Variants in SUPT3H observed in about 807,000 individuals in gnomAD.
SUPT3H encodes the protein transcription initiation protein SPT3 homolog.
In SUPT3H, 44 loss-of-function variants were observed where a neutral mutation model predicts 44.3. The ratio of observed to expected loss-of-function variants is 0.99; its 90% CI spans 0.78 to 1.28. The LOEUF (loss-of-function observed/expected upper bound fraction) is 1.28. Among genes scored for constraint, SUPT3H ranks in the 50% most tolerant of loss-of-function variants. The pLI, the probability that SUPT3H is intolerant of heterozygous loss-of-function variation, is 0.00. For synonymous variants in SUPT3H, 124 were observed against 125.6 expected (o/e 0.99, Z 0.09); for missense variants, 380 against 387.1 (o/e 0.98, Z 0.15).
intron 2 of SUPT3H, among the ~76,000 whole-genome samples, chr6:45,183,855 C>G (rs560339823): frequency 1.2e-4 from 19 of 152,172 alleles, no homozygotes; most frequent in African/African-American, 4.6e-4. Context: ...GATTCTGATA[C>G]AACATTCTGA....
intron 2 of SUPT3H, among the ~76,000 whole-genome samples, chr6:45,154,599 A>G (rs1807505228): frequency 6.6e-6 from 1 of 152,172 alleles, no homozygotes; most frequent in African/African-American, 2.4e-5. Flanking sequence ...TTCACAGTGA[A>G]GTTGTGCTTC....
intron 2 of SUPT3H, among the ~76,000 whole-genome samples, chr6:45,122,838 A>G (rs1417285629): frequency 6.6e-6 from 1 of 152,186 alleles, no homozygotes; most frequent in African/African-American, 2.4e-5. Flanking sequence ...TCATCCACAA[A>G]TTGCTAGACT....
In SUPT3H at chr6:44,848,941, T is replaced by C. The variant is rs557363568; in HGVS notation, c.913-19084A>G. ...AAATCAGAAGTGAATAAGAGACGACTTTCTTTTTAAAGGCATTTTAGTCTA... is the reference window on the plus strand; with the variant it reads ...AAATCAGAAGTGAATAAGAGACGACCTTCTTTTTAAAGGCATTTTAGTCTA... On this transcript the variant is annotated intron_variant, in intron 10 of 10. Coordinates refer to ENST00000371459, the MANE Select transcript of SUPT3H (RefSeq NM_003599.4). 4.4e-4 allele frequency among the ~76,000 whole-genome samples: 67 copies of C among 152,230 alleles called. 1 individual carries two copies. The highest frequency in any genetic ancestry group is 2.4e-4 in the Non-Finnish European group (16 of 68,032).
chr6:45,081,378 T>G (rs1795792266), intron 3 of SUPT3H, among the ~76,000 whole-genome samples: 1 of 152,136 alleles, frequency 6.6e-6, no homozygotes, highest in African/African-American at 2.4e-5. Flanking sequence ...ATGTATCATC[T>G]TCTCTGAGGT....
intron 2 of SUPT3H, among the ~76,000 whole-genome samples, chr6:45,170,416 C>T (rs191757797): frequency 1.3e-3 from 201 of 152,284 alleles, no homozygotes; most frequent in African/African-American, 4.6e-3. Context: ...CCCCACACTC[C>T]TTTCTACAGA....
At chr6:44,853,110 T>C (rs1349585564) in intron 10 of SUPT3H, among the ~76,000 whole-genome samples, 1 of 152,210 alleles carries the variant, frequency 6.6e-6, no homozygotes, top group Non-Finnish European at 1.5e-5. Flanking sequence ...ACATACTGTG[T>C]TTACTCTGTG....
chr6:45,037,547 C>T (rs1376096192), intron 3 of SUPT3H, among the ~76,000 whole-genome samples: 4 of 151,278 alleles, frequency 2.6e-5, no homozygotes, highest in Admixed American at 2.0e-4. Context: ...TCCTGTAATC[C>T]CAGCTACTCG....
At chr6:45,076,601 CT>C (rs1004116400) in intron 3 of SUPT3H, among the ~76,000 whole-genome samples, 3 of 151,972 alleles carry the variant, frequency 2.0e-5, no homozygotes, top group African/African-American at 7.3e-5. Context: ...CTCAAAAATG[CT>C]TTTGTACTTG....
intron 1 of SUPT3H, among the ~76,000 whole-genome samples, chr6:45,375,357 A>C (rs1295095136): frequency 6.6e-6 from 1 of 152,216 alleles, no homozygotes; most frequent in African/African-American, 2.4e-5. Flanking sequence ...ATTAAATAAA[A>C]TAATTGTGCT....
chr6:45,159,495 T>C (rs894262881), intron 2 of SUPT3H: 3 of 152,196 alleles, frequency 2.0e-5, no homozygotes, highest in South Asian at 2.1e-4. Flanking sequence ...GAGCCATCAA[T>C]AGCCTCACCC....
chr6:45,170,826 T>C (rs1810650034), intron 2 of SUPT3H, among the ~76,000 whole-genome samples: 1 of 152,126 alleles, frequency 6.6e-6, no homozygotes, highest in African/African-American at 2.4e-5. Context: ...GCTAGCATAA[T>C]TTCTCTCTGT....
intron 2 of SUPT3H, among the ~76,000 whole-genome samples, chr6:45,356,555 G>A (rs953913933): frequency 3.9e-5 from 6 of 151,944 alleles, no homozygotes; most frequent in East Asian, 1.9e-4. Context: ...GTGCCACCAC[G>A]CCTGGCTAAT....
chr6:44,990,049 G>A (rs1780386206), intron 6 of SUPT3H, among the ~76,000 whole-genome samples: 1 of 152,008 alleles, frequency 6.6e-6, no homozygotes, highest in Non-Finnish European at 1.5e-5. Flanking sequence ...AGCTTTTGGT[G>A]TGATATCCAA....
chr6:44,971,721 C>T (rs985608812), intron 6 of SUPT3H, among the ~76,000 whole-genome samples: 16 of 152,172 alleles, frequency 1.1e-4, no homozygotes, highest in African/African-American at 3.1e-4. Flanking sequence ...ATCTCATGTC[C>T]TCACATTTCA....
At chr6:45,368,933 T>A (rs2150298121) in intron 1 of SUPT3H, among the ~76,000 whole-genome samples, 1 of 152,160 alleles carries the variant, frequency 6.6e-6, no homozygotes, top group African/African-American at 2.4e-5. Flanking sequence ...AAAAAAATAA[T>A]CAGGTTACAT....
intron 2 of SUPT3H, among the ~76,000 whole-genome samples, chr6:45,299,751 C>T (rs1017101824): frequency 7.4e-6 from 1 of 134,612 alleles, no homozygotes. Context: ...CCCGGCTCTG[C>T]CAAAAAAAAA....
chr6:45,209,892 G>C lies in SUPT3H; in HGVS notation c.102-103886C>G, dbSNP rs549103415. ...AAATTGCCTCAGCCACTCAAACTCA[G>C]CAGCTGTCAACATCAAGGCAAGATC... On this transcript the variant is annotated intron_variant, in intron 2 of 10. Transcript: ENST00000371459. 1.2e-4 allele frequency among the ~76,000 whole-genome samples: 19 copies of C among 152,170 alleles called. No individual in the cohort carries two copies. In the South Asian group the frequency reaches 3.9e-3, roughly 32 times the overall value.
intron 2 of SUPT3H, among the ~76,000 whole-genome samples, chr6:45,358,732 G>A (rs549771750): frequency 6.6e-6 from 1 of 151,984 alleles, no homozygotes; most frequent in Non-Finnish European, 1.5e-5. Context: ...TCAGATTTTT[G>A]AAAGTTAATA....
chr6:44,986,717 T>C (rs1011394156), intron 6 of SUPT3H, among the ~76,000 whole-genome samples: 10 of 152,110 alleles, frequency 6.6e-5, no homozygotes, highest in African/African-American at 2.2e-4. Flanking sequence ...TTTGTTTATA[T>C]AAAATATATT....
Sources: allele counts gnomAD v4.1 joint callset (sites outside exome capture counted in the v4.1 genomes callset), GRCh38; gene constraint gnomAD v4.1.1; transcripts MANE v1.5; gene names NCBI Gene and HGNC (gene_info 2026-07-23, HGNC 2026-07-21).